Variants in MYL3 observed in about 807,000 individuals in gnomAD.
The protein encoded by MYL3 is CMLC1.
MYL3 carries 11 observed loss-of-function variants against 21.3 expected under a neutral mutation model. The ratio of observed to expected loss-of-function variants is 0.52; its 90% confidence interval spans 0.32 to 0.85. The LOEUF (loss-of-function observed/expected upper bound fraction) is 0.85, where lower values mean the gene tolerates loss of function less well. MYL3 is among the 40% of genes least tolerant of loss of function. MYL3 has a pLI of 0.03. For synonymous variants in MYL3, 88 were observed against 91.6 expected (o/e 0.96, Z 0.22); for missense variants, 206 against 253.3 (o/e 0.81, Z 1.27).
rs1701992684 is a variant in MYL3, at chr3:46,861,552, A to T, written c.130-565T>A. ...TCACAGAGCCCCCTAAGCCCTAAAG[A>T]CCAGGCAGTCACTCACCAGCCCCAC... On this transcript the variant is annotated intron_variant, in intron 1 of 6. Coordinates refer to ENST00000292327, the MANE Select transcript of MYL3 (RefSeq NM_000258.3). The surrounding 1 kb of genome is among the most constrained non-coding windows in gnomAD (Gnocchi z 4.2). Among the ~76,000 whole-genome samples the T allele has an allele frequency of 6.6e-6, 1 of 152,024 alleles. No homozygotes were observed. Among genetic ancestry groups the T allele is most frequent in the Non-Finnish European group, 1.5e-5 (1 of 67,998 alleles).
chr3:46,867,738 C>T (rs1040704429), upstream of MYL3, among the ~76,000 whole-genome samples: 1 of 152,118 alleles, frequency 6.6e-6, no homozygotes, highest in Non-Finnish European at 1.5e-5. Flanking sequence ...GTCGAGAACA[C>T]GGCCTGGGCC....
upstream of MYL3, among the ~76,000 whole-genome samples, chr3:46,868,149 C>T (rs1171205075): frequency 1.3e-5 from 2 of 152,202 alleles, no homozygotes; most frequent in East Asian, 3.9e-4. Context: ...ATGGGGCCCA[C>T]CTCCCAGAGG....
In MYL3 at chr3:46,860,398, C is replaced by T. The variant is rs1166775985; in HGVS notation, c.307+278G>A. ...AAAGCATTGGGATGACAGCATCCCA[C>T]TGCCCACTGCTGTCACTGCCCGACC... On this transcript the variant is annotated intron_variant, in intron 3 of 6. Transcript: ENST00000292327. The surrounding 1 kb of genome is among the most constrained non-coding windows in gnomAD (Gnocchi z 4.6). Among the ~76,000 whole-genome samples the T allele has an allele frequency of 6.6e-6, 1 of 152,198 alleles. No individual in the cohort carries two copies. The highest frequency in any genetic ancestry group is 1.5e-5 in the Non-Finnish European group (1 of 68,038).
chr3:46,863,236 T>G (rs757980234), intron 1 of MYL3, 26 bp downstream of exon 1: 2 of 1,613,712 alleles, frequency 1.2e-6, no homozygotes, highest in South Asian at 2.2e-5. Flanking sequence ...CTGCTCCTAT[T>G]GCCACCACCC....
intron 1 of MYL3, among the ~76,000 whole-genome samples, chr3:46,877,035 G>A (rs1448278493): frequency 1.3e-5 from 2 of 152,162 alleles, no homozygotes; most frequent in Non-Finnish European, 2.9e-5. Context: ...TGAGACCTGT[G>A]ACAGCTTAAG....
rs1417572132 is a variant in MYL3 at position 46,861,532 on chromosome 3, G to A, written c.130-545C>T. On this transcript the variant is annotated intron_variant, in intron 1 of 6. Transcript: ENST00000292327. This position sits in a 1 kb window ranked among gnomAD's most constrained non-coding sequence, Gnocchi z 4.2. ...GTGTCTACATACGTCTGCCCTCACA[G>A]AGCCCCCTAAGCCCTAAAGACCAGG... Among the ~76,000 whole-genome samples the A allele has an allele frequency of 6.6e-6, 1 of 152,158 alleles. No individual in the cohort carries two copies. Among genetic ancestry groups the A allele is most frequent in the Non-Finnish European group, 1.5e-5 (1 of 68,024 alleles).
chr3:46,866,650 A>T (rs534349461), upstream of MYL3: 1 of 152,324 alleles, frequency 6.6e-6, no homozygotes, highest in East Asian at 1.9e-4. Flanking sequence ...AATGTTCCAA[A>T]TATCTCAGTT....
chr3:46,866,787 G>A (rs1460357216), upstream of MYL3, among the ~76,000 whole-genome samples: 1 of 152,184 alleles, frequency 6.6e-6, no homozygotes, highest in Admixed American at 6.5e-5. Context: ...CTCTGGGACA[G>A]TAGTGCGGCC....
At chr3:46,870,404 G>A (rs1265052311) in intron 1 of MYL3, among the ~76,000 whole-genome samples, 1 of 151,810 alleles carries the variant, frequency 6.6e-6, no homozygotes, top group Non-Finnish European at 1.5e-5. Context: ...AGGCCACAGT[G>A]GTGGTGACAG....
At chr3:46,866,868 A>G (rs1056868189), upstream of MYL3, among the ~76,000 whole-genome samples, 1 of 152,122 alleles carries the variant, frequency 6.6e-6, no homozygotes, top group Non-Finnish European at 1.5e-5. Flanking sequence ...TTCACAGACT[A>G]AAGAGGTGAG....
In MYL3 at chr3:46,861,667, G is replaced by C. The variant is rs1034528933; in HGVS notation, c.130-680C>G. Among the ~76,000 whole-genome samples, 2 of 152,172 alleles carry C rather than the reference G, an allele frequency of 1.3e-5. No homozygotes were observed. The highest frequency in any genetic ancestry group is 2.9e-5 in the Non-Finnish European group (2 of 68,030). The stretch of plus-strand genomic sequence containing the variant: ...CAGGGCCAGGGCAGTGCTGCTGAGT[G>C]TTTGCTGAAGTCACATTGGGGCCAC... On this transcript the variant is annotated intron_variant, in intron 1 of 6. Transcript: ENST00000292327. The surrounding 1 kb of genome is among the most constrained non-coding windows in gnomAD (Gnocchi z 4.2).
chr3:46,872,795 TGCCGTCAG>T (rs1033697967), intron 1 of MYL3, among the ~76,000 whole-genome samples: 2 of 152,254 alleles, frequency 1.3e-5, no homozygotes, highest in Non-Finnish European at 2.9e-5. Flanking sequence ...TCTGAGAAGA[TGCCGTCAG>T]GCAGATTCCA....
rs761225564 is a variant in MYL3 at position 46,859,820 on chromosome 3, G to A, written c.308-172C>T. Reference sequence around the variant, plus strand: ...CCATTTAAAAGCAAACTACCATCGCGAGGCACTTTACAGTCTACTGAGCAA... The same window carrying A: ...CCATTTAAAAGCAAACTACCATCGCAAGGCACTTTACAGTCTACTGAGCAA... On this transcript the variant is annotated intron_variant, in intron 3 of 6. Transcript: ENST00000292327. This position sits in a 1 kb window ranked among gnomAD's most constrained non-coding sequence, Gnocchi z 4.1. Among the ~76,000 whole-genome samples the A allele has an allele frequency of 9.2e-5, 14 of 152,152 alleles. No individual in the cohort carries two copies. Among genetic ancestry groups the A allele is most frequent in the East Asian group, 1.9e-4 (1 of 5,184 alleles).
At chr3:46,876,650 G>A (rs1242117056) in intron 1 of MYL3, among the ~76,000 whole-genome samples, 3 of 152,178 alleles carry the variant, frequency 2.0e-5, no homozygotes, top group African/African-American at 7.2e-5. Flanking sequence ...CCCTCCCCAG[G>A]AGCCTGGAAG....
At chr3:46,878,990 G>A (rs936831086) in intron 1 of MYL3, among the ~76,000 whole-genome samples, 3 of 152,218 alleles carry the variant, frequency 2.0e-5, no homozygotes, top group East Asian at 1.9e-4. Flanking sequence ...CCCCTGGGGC[G>A]TGCTTGTCAA....
At position 46,863,359 on chromosome 3, in the gene MYL3, T is replaced by C; in HGVS notation, c.32A>G (p.Asp11Gly). 6.2e-7 allele frequency: 1 copy of C among 1,613,814 alleles called. No individual in the cohort carries two copies. Among genetic ancestry groups the C allele is most frequent in the South Asian group, 1.1e-5 (1 of 91,080 alleles). ...TGCCTTGGGGGCTGCCTTGGCATCA[T>C]CCTTCTTGGGCTCTGGCTTTTTGGG... MAPKKPEPKK[D>G]DAKAAPKAAP... is the part of the protein sequence containing the mutation. Residue 11 changes from aspartate to glycine, a missense_variant, in exon 1 of 7, where the codon GAT becomes GGT. Asp to Gly is a moderately conservative substitution (Grantham distance 94, BLOSUM62 -1). Transcript: ENST00000292327.
intron 1 of MYL3, among the ~76,000 whole-genome samples, chr3:46,876,418 A>C (rs1490791159): frequency 6.6e-6 from 1 of 152,182 alleles, no homozygotes; most frequent in African/African-American, 2.4e-5. Flanking sequence ...CTGGTCACAG[A>C]ATAGCCTACG....
intron 1 of MYL3, chr3:46,881,957 A>G (rs1393862157): frequency 6.6e-6 from 1 of 151,618 alleles, no homozygotes; most frequent in African/African-American, 2.4e-5. Flanking sequence ...TGATCAAGGG[A>G]AAAAAAATTT....
At chr3:46,871,689 A>G (rs79152783) in intron 1 of MYL3, among the ~76,000 whole-genome samples, 1,644 of 152,010 alleles carry the variant, frequency 0.011, 13 homozygotes, top group Non-Finnish European at 0.018. Flanking sequence ...CAGCACAAGA[A>G]CCCCCAAATG....
Sources: gnomAD v4.1 joint callset for allele counts (sites outside exome capture counted in the v4.1 genomes callset) on GRCh38, gnomAD v4.1.1 for gene constraint, Gnocchi (gnomAD v3.1) non-coding constraint, MANE v1.5 for transcripts, NCBI Gene and HGNC (gene_info 2026-07-23, HGNC 2026-07-21) for gene names.